SCMH1: variants seen among roughly 807,000 people sequenced by gnomAD.
SCMH1 encodes polycomb protein SCMH1.
In SCMH1, 37 loss-of-function variants were observed where a neutral mutation model predicts 70.8. The ratio of observed to expected loss-of-function variants is 0.52; its 90% CI spans 0.40 to 0.69. The LOEUF (loss-of-function observed/expected upper bound fraction) is 0.69, where lower values mean the gene tolerates loss of function less well. Among genes scored for constraint, SCMH1 ranks in the 30% least tolerant of loss-of-function variants. SCMH1 has a pLI of 0.00. For synonymous variants in SCMH1, 292 were observed against 307.4 expected (o/e 0.95, Z 0.52); for missense variants, 607 against 827.3 (o/e 0.73, Z 3.27).
At chr1:41,093,272 G>A (rs1340829088) in intron 8 of SCMH1, among the ~76,000 whole-genome samples, 1 of 150,838 alleles carries the variant, frequency 6.6e-6, no homozygotes, top group Non-Finnish European at 1.5e-5. Flanking sequence ...CTATCGCAAG[G>A]ACAGAAAACT....
chr1:41,238,782 A>T (rs2148948810), intron 1 of SCMH1, among the ~76,000 whole-genome samples: 1 of 152,308 alleles, frequency 6.6e-6, no homozygotes, highest in Admixed American at 6.5e-5. Flanking sequence ...CCGATATTCC[A>T]CTTTCTGACC....
chr1:41,130,293 A>G (rs1163595447), intron 6 of SCMH1, among the ~76,000 whole-genome samples: 1 of 152,012 alleles, frequency 6.6e-6, no homozygotes, highest in East Asian at 1.9e-4. Context: ...CCCTTATCAG[A>G]TATATGTTTT....
At chr1:41,074,508 A>G (rs1657581733) in intron 9 of SCMH1, among the ~76,000 whole-genome samples, 1 of 152,170 alleles carries the variant, frequency 6.6e-6, no homozygotes, top group African/African-American at 2.4e-5. Context: ...AGGTAGAGAT[A>G]GCAAAATATA....
At chr1:41,069,437 A>G (rs964136652) in intron 10 of SCMH1, among the ~76,000 whole-genome samples, 2 of 152,226 alleles carry the variant, frequency 1.3e-5, no homozygotes, top group African/African-American at 4.8e-5. Context: ...ACAGGGGGAT[A>G]CGAGGTATGT....
At chr1:41,081,037 TA>T in intron 8 of SCMH1, among the ~76,000 whole-genome samples, 1 of 152,048 alleles carries the variant, frequency 6.6e-6, no homozygotes, top group African/African-American at 2.4e-5. Context: ...TCTATTAAAA[TA>T]AAAAAATGAA....
chr1:41,050,920 TG>T (rs1277002778), intron 10 of SCMH1, among the ~76,000 whole-genome samples: 11 of 152,144 alleles, frequency 7.2e-5, no homozygotes, highest in Non-Finnish European at 4.4e-5. Context: ...CATCTAGTAA[TG>T]TGACTCTTTT....
chr1:41,048,027 A>ATCC (rs758488062), intron 11 of SCMH1, among the ~76,000 whole-genome samples: 1 of 152,130 alleles, frequency 6.6e-6, no homozygotes, highest in Non-Finnish European at 1.5e-5. Flanking sequence ...ACAACCTGCT[A>ATCC]GGGAGGAGGG....
chr1:41,201,258 G>A (rs1026301419), intron 1 of SCMH1, among the ~76,000 whole-genome samples: 1 of 152,084 alleles, frequency 6.6e-6, no homozygotes, highest in South Asian at 2.1e-4. Flanking sequence ...GGTCTTGTAC[G>A]AATCCTACAG....
rs546900944 is a variant in SCMH1 at position 41,048,877 on chromosome 1, C to T, written c.1119G>A (p.Leu373=). The T allele has an allele frequency of 2.5e-6, 4 of 1,613,250 alleles. No individual in the cohort carries two copies. In the South Asian group the frequency reaches 4.4e-5, roughly 18 times the overall value. Residue 373 remains leucine, a synonymous_variant, in exon 11 of 15, where the codon TTG becomes TTA. Coordinates refer to ENST00000337495, the Ensembl canonical transcript of SCMH1. ...GGGGGCCTGTGCTGCCATTCTTGTT[C>T]AAGTAGATACAAACTATGGGAGACA...
At position 41,123,595 on chromosome 1, in the gene SCMH1, C is replaced by T. The variant is rs548703494; in HGVS notation, c.413-6585G>A. On this transcript the variant is annotated intron_variant, in intron 6 of 14. Transcript: ENST00000337495. ...AGACCCTGAAAATTTTAAGAGCTCC[C>T]TAGGTGATTTTAACAGGTAGCCAAG... 4.6e-5 allele frequency among the ~76,000 whole-genome samples: 7 copies of T among 152,248 alleles called. No homozygotes were observed. The East Asian group carries it at 1.4e-3, about 29-fold the overall frequency.
intron 13 of SCMH1, among the ~76,000 whole-genome samples, chr1:41,032,528 A>C (rs2148517350): frequency 6.6e-6 from 1 of 152,358 alleles, no homozygotes; most frequent in South Asian, 2.1e-4. Context: ...TGAAGATAAC[A>C]GAGGACCCTG....
At chr1:41,118,003 T>C (rs1438496137) in intron 6 of SCMH1, among the ~76,000 whole-genome samples, 1 of 152,132 alleles carries the variant, frequency 6.6e-6, no homozygotes, top group Non-Finnish European at 1.5e-5. Context: ...TGTGTCTTTA[T>C]TTCTACACTC....
At chr1:41,179,149 G>A (rs533417074) in intron 2 of SCMH1, among the ~76,000 whole-genome samples, 175 of 152,186 alleles carry the variant, frequency 1.1e-3, no homozygotes, top group African/African-American at 4.0e-3. Context: ...GGTACATAAC[G>A]AAATGAAGGC....
intron 10 of SCMH1, among the ~76,000 whole-genome samples, chr1:41,056,528 A>T (rs1256322534): frequency 2.0e-5 from 3 of 152,174 alleles, no homozygotes; most frequent in African/African-American, 4.8e-5. Context: ...GGTCTGGCAC[A>T]TAAGGAGTTT....
At chr1:41,041,219 C>T (rs1320785819) in intron 12 of SCMH1, 1 of 151,930 alleles carries the variant, frequency 6.6e-6, no homozygotes, top group Admixed American at 6.6e-5. Flanking sequence ...GTTTACATCA[C>T]TCTCAGTGTT....
At chr1:41,083,068 A>G (rs1230768913) in intron 8 of SCMH1, among the ~76,000 whole-genome samples, 1 of 152,210 alleles carries the variant, frequency 6.6e-6, no homozygotes, top group Non-Finnish European at 1.5e-5. Flanking sequence ...CTGGCACAAG[A>G]CAGGGATGCC....
At chr1:41,209,292 G>A (rs1656416169) in intron 1 of SCMH1, among the ~76,000 whole-genome samples, 1 of 152,210 alleles carries the variant, frequency 6.6e-6, no homozygotes, top group African/African-American at 2.4e-5. Context: ...GAGGTACAAA[G>A]AGGAGCTGGT....
intron 8 of SCMH1, among the ~76,000 whole-genome samples, chr1:41,077,057 G>A (rs1414217318): frequency 6.6e-6 from 1 of 152,112 alleles, no homozygotes; most frequent in Non-Finnish European, 1.5e-5. Context: ...CCTCCAGGTA[G>A]GAAGTGATAG....
chr1:41,169,466 T>C (rs1466136885), intron 2 of SCMH1, among the ~76,000 whole-genome samples: 1 of 152,178 alleles, frequency 6.6e-6, no homozygotes, highest in Admixed American at 6.6e-5. Flanking sequence ...TGTATACCTA[T>C]TTAAAGCCAC....
Sources: allele counts gnomAD v4.1 joint callset (sites outside exome capture counted in the v4.1 genomes callset), GRCh38; gene constraint gnomAD v4.1.1; transcripts MANE v1.5; gene names NCBI Gene and HGNC (gene_info 2026-07-23, HGNC 2026-07-21).